Variants in SWT1 observed in about 807,000 individuals in gnomAD.
SWT1 encodes transcriptional protein SWT1.
SWT1 carries 33 observed loss-of-function variants against 107.3 expected under a neutral mutation model. The observed-to-expected ratio is 0.31, with a 90% confidence interval of 0.23 to 0.41. The LOEUF (loss-of-function observed/expected upper bound fraction) is 0.41. Among genes scored for constraint, SWT1 ranks in the 10% least tolerant of loss-of-function variants. The probability of loss-of-function intolerance (pLI) is 1.00; values close to 1 mark genes in which losing one functional copy is unlikely to be tolerated. For missense variants in SWT1, 898 were observed against 1,028.9 expected (o/e 0.87, Z 1.74); for synonymous variants, 345 against 348.3 (o/e 0.99, Z 0.11).
rs1654944640 is a variant in SWT1, at chr1:185,170,383, G to T, written c.224+1985G>T. Among the ~76,000 whole-genome samples the T allele has an allele frequency of 2.0e-5, 3 of 152,158 alleles. No homozygotes were observed. In the South Asian group the frequency reaches 6.2e-4, roughly 31 times the overall value. Reference sequence around the variant, plus strand: ...TTCTCTAGCCTTTGTACGCACTGAGGCACACCACTGTTTGTACAATGACTT... The same window carrying T: ...TTCTCTAGCCTTTGTACGCACTGAGTCACACCACTGTTTGTACAATGACTT... On this transcript the variant is annotated intron_variant, in intron 4 of 18. Coordinates refer to ENST00000367500, the MANE Select transcript of SWT1 (RefSeq NM_017673.7).
chr1:185,223,241 G>T (rs150189557), intron 15 of SWT1, among the ~76,000 whole-genome samples: 2 of 152,090 alleles, frequency 1.3e-5, no homozygotes, highest in Non-Finnish European at 2.9e-5. Flanking sequence ...TTTTTTTGAG[G>T]CAGGGTCTCG....
At chr1:185,201,420 GA>G (rs1477544886) in intron 10 of SWT1, among the ~76,000 whole-genome samples, 2 of 152,292 alleles carry the variant, frequency 1.3e-5, no homozygotes, top group Admixed American at 1.3e-4. Context: ...GGGTTGTGAA[GA>G]CCATGGGAAA....
At chr1:185,272,191 A>G (rs1043018970) in intron 17 of SWT1, among the ~76,000 whole-genome samples, 1 of 152,248 alleles carries the variant, frequency 6.6e-6, no homozygotes, top group Non-Finnish European at 1.5e-5. Flanking sequence ...TAGTGGCAGC[A>G]TAAACCCTGG....
rs1258482926 is a variant in SWT1 at position 185,221,929 on chromosome 1, T to C, written c.2202T>C (p.His734=). Residue 734 remains histidine (H), a synonymous_variant, in exon 15 of 19, where the codon CAT becomes CAC. Coordinates refer to ENST00000367500, the MANE Select transcript of SWT1 (RefSeq NM_017673.7). ...AAGGTACTTCATTGAAGAATTCTCATAATCAAGAAATCACTGTTTTCTCGA... is the reference window on the plus strand; with the variant it reads ...AAGGTACTTCATTGAAGAATTCTCACAATCAAGAAATCACTGTTTTCTCGA... ...KQEGTSLKNS[H]NQEITVFSSS... is the part of the protein sequence containing the mutation. 1.9e-6 allele frequency: 3 copies of C among 1,612,212 alleles called. No individual in the cohort carries two copies. The highest frequency in any genetic ancestry group is 1.1e-5 in the South Asian group (1 of 90,604).
Position 185,175,069 on chromosome 1 carries a change from C to T in SWT1, c.922C>T (p.His308Tyr). The change falls in exon 5 of 19, where the codon CAT becomes TAT. Residue 308 changes from histidine (H) to tyrosine (Y), a missense_variant. Physicochemically the swap from His to Tyr is moderately conservative, Grantham distance 83. Transcript: ENST00000367500. Reference sequence around the variant, plus strand: ...GTGGAAACGAAAACATCATTATGACCATCAAGAAAGTAATGATTCACATTC... The same window carrying T: ...GTGGAAACGAAAACATCATTATGACTATCAAGAAAGTAATGATTCACATTC... ...HEWKRKHHYD[H>Y]QESNDSHSRE... 6.3e-7 allele frequency: 1 copy of T among 1,582,222 alleles called. No individual in the cohort carries two copies. The highest frequency in any genetic ancestry group is 1.4e-5 in the African/African-American group (1 of 73,438).
intron 7 of SWT1, 123 bp downstream of exon 7, chr1:185,182,180 AAAGT>A (rs1656075883): frequency 3.1e-6 from 3 of 964,876 alleles, no homozygotes; most frequent in Non-Finnish European, 4.4e-6. Flanking sequence ...AATGAATGAT[AAAGT>A]AATAGTTTAT....
At chr1:185,227,305 C>T in intron 15 of SWT1, 1 of 742,594 alleles carries the variant, frequency 1.3e-6, no homozygotes, top group Non-Finnish European at 2.5e-6. Context: ...GTGCTCTCCA[C>T]ATTGTATTCA....
chr1:185,281,324 T>C (rs1664602801), intron 18 of SWT1: 1 of 221,022 alleles, frequency 4.5e-6, no homozygotes, highest in Admixed American at 4.7e-5. Context: ...GAAGTTCATG[T>C]TGATAGAACT....
At chr1:185,288,094 A>G (rs929643095) in intron 18 of SWT1, among the ~76,000 whole-genome samples, 3 of 152,314 alleles carry the variant, frequency 2.0e-5, no homozygotes, top group East Asian at 1.9e-4. Flanking sequence ...GAAAACATTT[A>G]TATCTCTGCT....
chr1:185,239,216 C>A (rs1044385680), intron 16 of SWT1, among the ~76,000 whole-genome samples: 1 of 152,062 alleles, frequency 6.6e-6, no homozygotes, highest in Non-Finnish European at 1.5e-5. Flanking sequence ...ATGTCATTTA[C>A]CCTCTAAGTC....
intron 10 of SWT1, among the ~76,000 whole-genome samples, chr1:185,190,914 A>C (rs1260995509): frequency 6.6e-6 from 1 of 152,138 alleles, no homozygotes; most frequent in African/African-American, 2.4e-5. Flanking sequence ...ATCCCTCCAA[A>C]ATTGTTTAAA....
intron 14 of SWT1, among the ~76,000 whole-genome samples, chr1:185,221,327 C>T (rs754545385): frequency 6.6e-5 from 10 of 152,118 alleles, no homozygotes; most frequent in African/African-American, 9.7e-5. Context: ...TTCTTGCCTC[C>T]GCTTTCTTCT....
intron 18 of SWT1, among the ~76,000 whole-genome samples, chr1:185,279,714 T>C (rs1386795607): frequency 2.0e-5 from 3 of 150,426 alleles, no homozygotes; most frequent in Non-Finnish European, 4.4e-5. Context: ...GAGAGGGTTT[T>C]TTGGTTTCAC....
intron 14 of SWT1, among the ~76,000 whole-genome samples, chr1:185,218,688 TA>T (rs1014199222): frequency 1.3e-5 from 2 of 151,780 alleles, no homozygotes; most frequent in African/African-American, 2.4e-5. Flanking sequence ...TTCTAACCAC[TA>T]AAAAAAATAG....
At chr1:185,184,978 G>T (rs539861312) in intron 9 of SWT1, 47 bp downstream of exon 9, 30 of 1,283,892 alleles carry the variant, frequency 2.3e-5, no homozygotes, top group Middle Eastern at 4.1e-4. Flanking sequence ...ACTTGTTTGG[G>T]TGCAGACTCA....
intron 1 of SWT1, among the ~76,000 whole-genome samples, chr1:185,160,034 T>C (rs1654006963): frequency 6.6e-6 from 1 of 152,222 alleles, no homozygotes; most frequent in Non-Finnish European, 1.5e-5. Context: ...AGATATATTT[T>C]ACATCCATTG....
chr1:185,214,952 G>C (rs1171358349), intron 14 of SWT1, among the ~76,000 whole-genome samples: 1 of 152,114 alleles, frequency 6.6e-6, no homozygotes, highest in African/African-American at 2.4e-5. Flanking sequence ...AGTGCCCTAG[G>C]CCAGTGGATC....
chr1:185,178,404 C>G (rs557234822), intron 5 of SWT1, among the ~76,000 whole-genome samples: 2 of 152,290 alleles, frequency 1.3e-5, no homozygotes, highest in South Asian at 2.1e-4. Flanking sequence ...AAGAGAGCCA[C>G]TGAACCACAG....
chr1:185,189,911 G>T (rs902079197), intron 9 of SWT1, among the ~76,000 whole-genome samples: 1 of 151,014 alleles, frequency 6.6e-6, no homozygotes. Flanking sequence ...TGCAGTGGCG[G>T]GATCTCAGCT....
Sources: gnomAD v4.1 joint callset for allele counts (sites outside exome capture counted in the v4.1 genomes callset) on GRCh38, gnomAD v4.1.1 for gene constraint, MANE v1.5 for transcripts, NCBI Gene and HGNC (gene_info 2026-07-23, HGNC 2026-07-21) for gene names.